Variants in KHDRBS2 observed in about 807,000 individuals in gnomAD.
KHDRBS2 encodes KH domain-containing, RNA-binding, signal transduction-associated protein 2.
Under a neutral mutation model 44.3 loss-of-function variants are expected in KHDRBS2, and 26 were observed. The ratio of observed to expected loss-of-function variants is 0.59; its 90% CI spans 0.43 to 0.81. KHDRBS2 has a LOEUF of 0.81. Ranked by LOEUF, KHDRBS2 falls within the 40% of genes least tolerant of loss-of-function variation. The pLI, the probability that KHDRBS2 is intolerant of heterozygous loss-of-function variation, is 0.00. For missense variants in KHDRBS2, 476 were observed against 433.1 expected, an observed-to-expected ratio of 1.10 and a Z score of -0.88; for synonymous variants, 194 against 151.1, an observed-to-expected ratio of 1.28 and a Z score of -2.08.
At chr6:62,231,763 G>C (rs1832938076) in intron 1 of KHDRBS2, among the ~76,000 whole-genome samples, 1 of 151,826 alleles carries the variant, frequency 6.6e-6, no homozygotes, top group South Asian at 2.1e-4. Context: ...TTTTCCATTT[G>C]TTTATTCTTC....
chr6:61,588,289 C>T, the KHDRBS2 span, among the ~76,000 whole-genome samples: 1 of 152,248 alleles, frequency 6.6e-6, no homozygotes, highest in East Asian at 1.9e-4. Context: ...ATAAAGAGGA[C>T]ATTCATTGCA....
At chr6:61,905,330 C>T (rs7752134) in intron 4 of KHDRBS2, among the ~76,000 whole-genome samples, 132,017 of 151,926 alleles carry the variant, frequency 0.87, 57,783 homozygotes, top group African/African-American at 0.95. Flanking sequence ...TCACAGGCCA[C>T]GTAAGAGTGC....
chr6:61,556,872 A>ATTTTTTTTT, the KHDRBS2 span, among the ~76,000 whole-genome samples: 8 of 87,498 alleles, frequency 9.1e-5, no homozygotes, highest in Admixed American at 1.5e-4. Context: ...TGAAATTGAG[A>ATTTTTTTTT]TTTTTTTTTT....
At chr6:61,918,801 G>T (rs1807495939) in intron 4 of KHDRBS2, among the ~76,000 whole-genome samples, 1 of 151,918 alleles carries the variant, frequency 6.6e-6, no homozygotes, top group Admixed American at 6.6e-5. Context: ...TGGTGCTGGT[G>T]GTGGTGTATG....
chr6:61,967,834 C>G (rs1356206157), intron 4 of KHDRBS2, among the ~76,000 whole-genome samples: 2 of 138,910 alleles, frequency 1.4e-5, no homozygotes, highest in Admixed American at 7.5e-5. Flanking sequence ...CCTTTTCTCT[C>G]TCTCTCAATA....
intron 1 of KHDRBS2, among the ~76,000 whole-genome samples, chr6:62,178,586 C>G (rs1330529771): frequency 6.6e-6 from 1 of 151,480 alleles, no homozygotes; most frequent in Admixed American, 6.6e-5. Context: ...AGTTGAGAAA[C>G]GAGGCTGACA....
intron 2 of KHDRBS2, among the ~76,000 whole-genome samples, chr6:62,075,941 T>C (rs1036282012): frequency 6.6e-6 from 1 of 151,634 alleles, no homozygotes; most frequent in African/African-American, 2.4e-5. Flanking sequence ...CCAAGGAATT[T>C]TTTTGATCAA....
intron 6 of KHDRBS2, among the ~76,000 whole-genome samples, chr6:61,816,219 G>A (rs115935140): frequency 1.6e-3 from 238 of 152,100 alleles, no homozygotes; most frequent in African/African-American, 5.3e-3. Context: ...TACTAACCCC[G>A]GAAAACTGTG....
intron 6 of KHDRBS2, among the ~76,000 whole-genome samples, chr6:61,770,686 T>G (rs1780736118): frequency 6.6e-6 from 1 of 152,014 alleles, no homozygotes; most frequent in African/African-American, 2.4e-5. Flanking sequence ...TGGGACTATG[T>G]GAAAAGACCA....
Position 62,286,147 on chromosome 6 carries a change from C to A in KHDRBS2, c.-199G>T. On this transcript the variant is annotated 5_prime_UTR_variant, in exon 1 of 9. Coordinates refer to ENST00000281156, the MANE Select transcript of KHDRBS2 (RefSeq NM_152688.4). ...TGCGTGGCCCCGCGCCCACACCTGC[C>A]CGTCCCTTCCGTCGTCCCTCGCTCG... 1.8e-6 allele frequency: 1 copy of A among 560,852 alleles called. No homozygotes were observed. The allele number at this position is 560,852 out of a possible 1,614,324, so 34.7% of individuals were successfully genotyped here.
At chr6:62,091,676 G>T (rs1208973819) in intron 2 of KHDRBS2, among the ~76,000 whole-genome samples, 1 of 152,038 alleles carries the variant, frequency 6.6e-6, no homozygotes, top group Non-Finnish European at 1.5e-5. Flanking sequence ...CTTTGAAAAA[G>T]TATCAAAATT....
At chr6:61,766,690 A>G (rs1391011042) in intron 6 of KHDRBS2, among the ~76,000 whole-genome samples, 1 of 151,962 alleles carries the variant, frequency 6.6e-6, no homozygotes, top group Non-Finnish European at 1.5e-5. Flanking sequence ...AGAAATTTTT[A>G]AATTTTCTTC....
chr6:62,115,625 T>C lies in KHDRBS2; in HGVS notation c.219+61560A>G, dbSNP rs188832653. 9.2e-5 allele frequency among the ~76,000 whole-genome samples: 14 copies of C among 152,294 alleles called. 1 individual carries two copies. The highest frequency in any genetic ancestry group is 5.2e-4 in the Admixed American group (8 of 15,290). On this transcript the variant is annotated intron_variant, in intron 2 of 8. Transcript: ENST00000281156. ...GTATTGGCTTGCTTTCCGCAAATGA[T>C]TGCTAAAGGCAGAACAACTTTGGAA...
At chr6:62,265,158 G>C (rs1330589847) in intron 1 of KHDRBS2, among the ~76,000 whole-genome samples, 4 of 151,856 alleles carry the variant, frequency 2.6e-5, no homozygotes, top group Admixed American at 6.6e-5. Context: ...ATGCAATGGG[G>C]ACCCTCGGAA....
chr6:61,633,361 G>C, the KHDRBS2 span, among the ~76,000 whole-genome samples: 2 of 152,010 alleles, frequency 1.3e-5, no homozygotes, highest in Non-Finnish European at 2.9e-5. Flanking sequence ...TGTTGCTATA[G>C]ATCCCTACAG....
intron 1 of KHDRBS2, among the ~76,000 whole-genome samples, chr6:62,192,472 A>T (rs977999700): frequency 2.6e-5 from 4 of 152,118 alleles, no homozygotes; most frequent in African/African-American, 9.6e-5. Context: ...TACTGTGATG[A>T]TTATATAAAA....
chr6:62,065,543 A>G (rs1452024384), intron 2 of KHDRBS2, among the ~76,000 whole-genome samples: 1 of 149,186 alleles, frequency 6.7e-6, no homozygotes, highest in Non-Finnish European at 1.5e-5. Flanking sequence ...ACAAAAAACC[A>G]AACACCGCAT....
intron 2 of KHDRBS2, among the ~76,000 whole-genome samples, chr6:62,116,516 T>C (rs1272970132): frequency 1.3e-5 from 2 of 152,184 alleles, no homozygotes; most frequent in Non-Finnish European, 2.9e-5. Flanking sequence ...ATGGGGTACA[T>C]GTGATATTTT....
intron 6 of KHDRBS2, among the ~76,000 whole-genome samples, chr6:61,821,271 G>A (rs1403548439): frequency 6.6e-6 from 1 of 151,948 alleles, no homozygotes; most frequent in African/African-American, 2.4e-5. Context: ...AAAAACCTGG[G>A]TCCTACTAGC....
Sources: gnomAD v4.1 joint callset for allele counts (sites outside exome capture counted in the v4.1 genomes callset) on GRCh38, gnomAD v4.1.1 for gene constraint, MANE v1.5 for transcripts, NCBI Gene and HGNC (gene_info 2026-07-23, HGNC 2026-07-21) for gene names.